CCDC7: variants seen among roughly 807,000 people sequenced by gnomAD.
The protein encoded by CCDC7 is coiled-coil domain-containing protein 7.
A neutral mutation model predicts 196.9 loss-of-function variants in CCDC7; 183 were observed. That is an observed-to-expected ratio of 0.93 (90% CI 0.82 to 1.05). The LOEUF is 1.05. CCDC7 is among the 50% of genes least tolerant of loss of function. The probability of loss-of-function intolerance (pLI) is 0.00; values close to 1 mark genes in which losing one functional copy is unlikely to be tolerated. For synonymous variants in CCDC7, 525 were observed against 484.6 expected (o/e 1.08, Z -1.10); for missense variants, 1,540 against 1,482.2 (o/e 1.04, Z -0.64).
At chr10:32,679,892 CT>C (rs2075607279) in intron 21 of CCDC7, among the ~76,000 whole-genome samples, 1 of 152,190 alleles carries the variant, frequency 6.6e-6, no homozygotes, top group Non-Finnish European at 1.5e-5. Context: ...TCCTAATCAT[CT>C]CTATGTAGAT....
chr10:32,812,156 G>A (rs2087295238), intron 30 of CCDC7, among the ~76,000 whole-genome samples: 1 of 151,948 alleles, frequency 6.6e-6, no homozygotes, highest in African/African-American at 2.4e-5. Context: ...AATCTGACTT[G>A]ATTTTTATGC....
Position 32,706,891 on chromosome 10 carries a change from A to G in CCDC7, c.2459-4729A>G, listed in dbSNP as rs545668788. Among the ~76,000 whole-genome samples, 177 of 152,344 alleles carry G rather than the reference A, an allele frequency of 1.2e-3. 1 individual carries two copies. The highest frequency in any genetic ancestry group is 3.4e-3 in the Middle Eastern group (1 of 294). Reference sequence around the variant, plus strand: ...TTTACAGCCGAATTCTACCAGAGGTACAAAGAGGAGCTGATACCATTCCTT... The same window carrying G: ...TTTACAGCCGAATTCTACCAGAGGTGCAAAGAGGAGCTGATACCATTCCTT... On this transcript the variant is annotated intron_variant, in intron 24 of 41. Transcript: ENST00000639629.
intron 31 of CCDC7, among the ~76,000 whole-genome samples, chr10:32,818,427 A>G (rs2089332237): frequency 6.6e-6 from 1 of 152,300 alleles, no homozygotes; most frequent in Admixed American, 6.5e-5. Flanking sequence ...TAGACAGATC[A>G]ACGAGACAGA....
At chr10:32,752,993 T>C (rs1436303452) in intron 28 of CCDC7, among the ~76,000 whole-genome samples, 2 of 152,192 alleles carry the variant, frequency 1.3e-5, no homozygotes, top group African/African-American at 2.4e-5. Context: ...TGATGGTTAT[T>C]CAGCTATGCA....
Position 32,675,997 on chromosome 10 carries a change from A to G in CCDC7, c.2123-9973A>G, listed in dbSNP as rs1044022594. Among the ~76,000 whole-genome samples the G allele has an allele frequency of 2.6e-5, 4 of 151,712 alleles. No individual in the cohort carries two copies. The East Asian group carries it at 5.8e-4, about 22-fold the overall frequency. ...TGACTTCCAACTATACTACAAGGCT[A>G]CAGTAACCAAAAGAGCATGGTACTG... On this transcript the variant is annotated intron_variant, in intron 21 of 41. Transcript: ENST00000639629.
At chr10:32,794,283 C>T (rs1050927009) in intron 29 of CCDC7, among the ~76,000 whole-genome samples, 3 of 152,120 alleles carry the variant, frequency 2.0e-5, no homozygotes, top group Admixed American at 6.6e-5. Context: ...GCATCATTTC[C>T]GTGGTGTATT....
chr10:32,705,255 G>C (rs1293661790), intron 24 of CCDC7, among the ~76,000 whole-genome samples: 1 of 152,048 alleles, frequency 6.6e-6, no homozygotes, highest in Non-Finnish European at 1.5e-5. Context: ...ATCCTTTACA[G>C]ACAAGCAAGT....
intron 28 of CCDC7, among the ~76,000 whole-genome samples, chr10:32,740,490 A>G (rs1463155203): frequency 6.6e-6 from 1 of 152,182 alleles, no homozygotes; most frequent in Non-Finnish European, 1.5e-5. Context: ...CAACATATAC[A>G]GAGGACCCAC....
At chr10:32,559,186 C>A (rs1437031341) in intron 13 of CCDC7, among the ~76,000 whole-genome samples, 5 of 152,246 alleles carry the variant, frequency 3.3e-5, no homozygotes, top group Non-Finnish European at 5.9e-5. Flanking sequence ...GGGTGGAGCC[C>A]ACCACAGCTC....
chr10:32,448,191 G>T (rs1466254418), upstream of CCDC7, among the ~76,000 whole-genome samples: 1 of 152,064 alleles, frequency 6.6e-6, no homozygotes, highest in African/African-American at 2.4e-5. Context: ...GTGCTATTAA[G>T]ATATTTTCGT....
intron 13 of CCDC7, among the ~76,000 whole-genome samples, chr10:32,550,565 A>G (rs1344513665): frequency 6.6e-6 from 1 of 151,990 alleles, no homozygotes; most frequent in East Asian, 1.9e-4. Flanking sequence ...CTTTTATTAC[A>G]TTATGGTATG....
chr10:32,690,808 G>T (rs977959920), intron 23 of CCDC7, among the ~76,000 whole-genome samples: 4 of 152,186 alleles, frequency 2.6e-5, no homozygotes, highest in Non-Finnish European at 5.9e-5. Context: ...GAATGCAAGT[G>T]GGGGTTCACA....
chr10:32,828,234 T>C (rs1258750846), intron 32 of CCDC7, among the ~76,000 whole-genome samples: 3 of 152,170 alleles, frequency 2.0e-5, no homozygotes, highest in African/African-American at 7.2e-5. Context: ...CATGTATTGA[T>C]TTATGTCTTT....
chr10:32,643,006 C>G (rs1017980013), intron 20 of CCDC7, among the ~76,000 whole-genome samples: 1 of 152,146 alleles, frequency 6.6e-6, no homozygotes, highest in South Asian at 2.1e-4. Flanking sequence ...ATGTGTATCA[C>G]GTTAGGACTG....
chr10:32,457,884 C>A (rs1299713791), intron 3 of CCDC7, among the ~76,000 whole-genome samples: 1 of 150,996 alleles, frequency 6.6e-6, no homozygotes, highest in African/African-American at 2.4e-5. Context: ...TTTTTTTTTG[C>A]CATTGAGTTG....
At chr10:32,508,808 T>C (rs574556459) in intron 9 of CCDC7, among the ~76,000 whole-genome samples, 227 of 152,124 alleles carry the variant, frequency 1.5e-3, no homozygotes, top group Middle Eastern at 0.014. Context: ...TTTTTTTGTA[T>C]TTTTAGTAGA....
intron 8 of CCDC7, among the ~76,000 whole-genome samples, chr10:32,476,057 A>T (rs2505384): frequency 0.35 from 52,522 of 152,046 alleles, 11,478 homozygotes; most frequent in Non-Finnish European, 0.5. Flanking sequence ...ATTTTGATAC[A>T]TTATTATTAA....
upstream of CCDC7, among the ~76,000 whole-genome samples, chr10:32,444,636 T>C (rs1019877636): frequency 2.6e-5 from 4 of 152,258 alleles, no homozygotes; most frequent in Non-Finnish European, 5.9e-5. Flanking sequence ...AGTTCTATCT[T>C]TCCTATCCCT....
intron 21 of CCDC7, among the ~76,000 whole-genome samples, chr10:32,672,349 G>A (rs1383196523): frequency 2.0e-5 from 3 of 152,168 alleles, no homozygotes; most frequent in Non-Finnish European, 4.4e-5. Context: ...CAGTGAACGT[G>A]TGGCTCTGGG....
Sources: allele counts gnomAD v4.1 joint callset (sites outside exome capture counted in the v4.1 genomes callset), GRCh38; gene constraint gnomAD v4.1.1; transcripts MANE v1.5; gene names NCBI Gene and HGNC (gene_info 2026-07-23, HGNC 2026-07-21).